ACAT1: variants seen among roughly 807,000 people sequenced by gnomAD.
The protein encoded by ACAT1 is acetyl-CoA acetyltransferase, mitochondrial.
ACAT1 carries 28 observed loss-of-function variants against 47.3 expected under a neutral mutation model. The observed-to-expected ratio is 0.59, with a 90% CI of 0.44 to 0.81. The LOEUF (loss-of-function observed/expected upper bound fraction) is 0.81, where lower values mean the gene tolerates loss of function less well. Ranked by LOEUF, ACAT1 falls within the 30% of genes least tolerant of loss-of-function variation. ACAT1 has a pLI of 0.00. For synonymous variants in ACAT1, 181 were observed against 173.6 expected (o/e 1.04, Z -0.34); for missense variants, 469 against 524.3 (o/e 0.89, Z 1.03).
chr11:108,142,277 G>C (rs1402823974), intron 8 of ACAT1, among the ~76,000 whole-genome samples, 160 bp from the exon 9 acceptor site: 1 of 152,200 alleles, frequency 6.6e-6, no homozygotes, highest in Non-Finnish European at 1.5e-5. Context: ...TTGTCTTGCA[G>C]TTAGCTGTGT....
chr11:108,135,982 A>G (rs2077460642), intron 5 of ACAT1: 5 of 496,808 alleles, frequency 1.0e-5, no homozygotes, highest in Admixed American at 3.8e-5. Flanking sequence ...GCTTGAGCCC[A>G]GGCTTGATGA....
At chr11:108,134,121 GA>G (rs1308010813) in intron 3 of ACAT1, 99 bp from the exon 4 acceptor site, 15 of 1,256,966 alleles carry the variant, frequency 1.2e-5, no homozygotes, top group Non-Finnish European at 1.7e-5. Flanking sequence ...ACAAAAAAAA[GA>G]AACCATTCCT....
intron 1 of ACAT1, among the ~76,000 whole-genome samples, chr11:108,127,731 GGAAGGA>G (rs1428143677): frequency 6.6e-6 from 1 of 152,238 alleles, no homozygotes; most frequent in Non-Finnish European, 1.5e-5. Context: ...TAATGAGGTA[GGAAGGA>G]GTCCACGTTT....
chr11:108,139,356 C>T (rs1054486716), intron 6 of ACAT1, among the ~76,000 whole-genome samples: 5 of 151,796 alleles, frequency 3.3e-5, no homozygotes, highest in African/African-American at 9.7e-5. Context: ...TTTGGGAGGC[C>T]GAGGCAGGTG....
intron 1 of ACAT1, 69 bp downstream of exon 1, chr11:108,121,747 GCCCGCGGCCGTTGCGGCT>G: frequency 1.3e-6 from 2 of 1,514,410 alleles, no homozygotes; most frequent in Non-Finnish European, 1.8e-6. Flanking sequence ...GAAGCTTCCA[GCCCGCGGCCGTTGCGGCT>G]CCCGCGGCCC....
chr11:108,146,502 G>A (rs1222196653), intron 11 of ACAT1, 143 bp downstream of exon 11: 1 of 821,686 alleles, frequency 1.2e-6, no homozygotes, highest in East Asian at 2.7e-5. Flanking sequence ...TCTGATAGAT[G>A]GTATCCAATA....
At chr11:108,127,368 C>A (rs2077271054) in intron 1 of ACAT1, among the ~76,000 whole-genome samples, 1 of 151,712 alleles carries the variant, frequency 6.6e-6, no homozygotes, top group South Asian at 2.1e-4. Context: ...GGGTTCACAC[C>A]ATTCTCCCAC....
chr11:108,139,687 G>C (rs2077547958), intron 6 of ACAT1, among the ~76,000 whole-genome samples: 1 of 152,066 alleles, frequency 6.6e-6, no homozygotes, highest in Non-Finnish European at 1.5e-5. Context: ...TTGAAATGGT[G>C]TCTTGCTCTG....
intron 1 of ACAT1, among the ~76,000 whole-genome samples, chr11:108,127,097 T>A (rs2077264722): frequency 6.6e-6 from 1 of 151,554 alleles, no homozygotes; most frequent in African/African-American, 2.4e-5. Context: ...ATTACAGGGG[T>A]GAGCCACTGC....
In ACAT1 at chr11:108,143,966, C is replaced by G. The variant is rs772808876; in HGVS notation, c.941-17C>G. ...AAAAAAGATTTTAACAACCCCCCCC[C>G]CCCTTTTTTTAAACAGCATTTGCTG... On this transcript the variant is annotated splice_polypyrimidine_tract_variant and intron_variant, in intron 9 of 11. Coordinates refer to ENST00000265838, the MANE Select transcript of ACAT1 (RefSeq NM_000019.4). The G allele has an allele frequency of 9.0e-6, 10 of 1,113,496 alleles. No homozygotes were observed. The highest frequency in any genetic ancestry group is 1.9e-5 in the Admixed American group (1 of 53,984). 69.0% of individuals were successfully genotyped at this position (1,113,496 alleles called of 1,614,324 possible).
At chr11:108,120,020 C>G (rs540005511), upstream of ACAT1, among the ~76,000 whole-genome samples, 1 of 152,152 alleles carries the variant, frequency 6.6e-6, no homozygotes, top group East Asian at 1.9e-4. Flanking sequence ...AGTTTGAGAC[C>G]AGCCTCTGGG....
upstream of ACAT1, among the ~76,000 whole-genome samples, chr11:108,118,794 A>G (rs190848913): frequency 1.3e-5 from 2 of 152,364 alleles, no homozygotes; most frequent in East Asian, 3.9e-4. Flanking sequence ...GTAGCTCCAG[A>G]AATAAATGTA....
At chr11:108,128,447 C>T (rs1335415075) in intron 1 of ACAT1, among the ~76,000 whole-genome samples, 12 of 152,062 alleles carry the variant, frequency 7.9e-5, no homozygotes, top group Non-Finnish European at 8.8e-5. Flanking sequence ...AAAAATTAGC[C>T]GGGCGTGGTG....
rs370063325 is a variant in ACAT1, at chr11:108,138,994, T to C, written c.532T>C (p.Leu178=). Residue 178 remains leucine, a synonymous_variant, in exon 6 of 12, where the codon TTG becomes CTG. Coordinates refer to ENST00000265838, the MANE Select transcript of ACAT1 (RefSeq NM_000019.4). The part of the protein sequence containing the change: ...TPYGGVKLED[L]IVKDGLTDVY... ...ATATGGTGGGGTAAAGCTTGAAGAT[T>C]TGATTGTAAAAGACGGGCTAACTGA... 32 of 1,614,050 alleles carry C rather than the reference T, an allele frequency of 2.0e-5. No individual in the cohort carries two copies. The highest frequency in any genetic ancestry group is 3.3e-5 in the Admixed American group (2 of 60,000).
upstream of ACAT1, among the ~76,000 whole-genome samples, chr11:108,119,483 G>A (rs1166960351): frequency 2.0e-5 from 3 of 152,158 alleles, no homozygotes; most frequent in African/African-American, 2.4e-5. Flanking sequence ...GATTACAGGC[G>A]TGAGCGACCA....
intron 7 of ACAT1, among the ~76,000 whole-genome samples, chr11:108,141,167 G>A (rs1591369711): frequency 1.3e-5 from 2 of 152,120 alleles, no homozygotes; most frequent in African/African-American, 2.4e-5. Flanking sequence ...GTCCGAGGCT[G>A]CAGTGAGCTA....
At chr11:108,126,871 C>T (rs1248307938) in intron 1 of ACAT1, among the ~76,000 whole-genome samples, 1 of 146,522 alleles carries the variant, frequency 6.8e-6, no homozygotes, top group African/African-American at 2.5e-5. Context: ...CAGCTCACTG[C>T]AACCTCCACC....
intron 10 of ACAT1, 178 bp downstream of exon 10, chr11:108,144,225 A>C: frequency 4.5e-6 from 3 of 672,170 alleles, no homozygotes; most frequent in Non-Finnish European, 7.6e-6. Context: ...AAACAAAAAA[A>C]AAAAAATAAA....
intron 1 of ACAT1, among the ~76,000 whole-genome samples, chr11:108,125,882 C>T (rs2077238006): frequency 6.7e-6 from 1 of 148,864 alleles, no homozygotes; most frequent in South Asian, 2.1e-4. Context: ...GCCGAGATCG[C>T]GCCACTGCAC....
Sources: gnomAD v4.1 joint callset for allele counts (sites outside exome capture counted in the v4.1 genomes callset) on GRCh38, gnomAD v4.1.1 for gene constraint, MANE v1.5 for transcripts, NCBI Gene and HGNC (gene_info 2026-07-23, HGNC 2026-07-21) for gene names.